ANKH: variants seen among roughly 807,000 people sequenced by gnomAD.
ANKH encodes ANKH inorganic pyrophosphate transport regulator, also known as mineralization regulator ANKH.
In ANKH, 15 loss-of-function variants were observed where a neutral mutation model predicts 49.0. That is an observed-to-expected ratio of 0.31 (90% confidence interval 0.20 to 0.47). ANKH has a LOEUF of 0.47. ANKH is among the 20% of genes least tolerant of loss of function. The pLI is 1.00. For missense variants in ANKH, 429 were observed against 652.0 expected, an observed-to-expected ratio of 0.66 and a Z score of 3.72; for synonymous variants, 273 against 260.0, an observed-to-expected ratio of 1.05 and a Z score of -0.48.
At chr5:14,716,871 A>G (rs1737483897) in intron 8 of ANKH, 36 bp from the exon 9 acceptor site, 1 of 1,611,732 alleles carries the variant, frequency 6.2e-7, no homozygotes, top group Non-Finnish European at 8.5e-7. Context: ...TTGTGAGGAA[A>G]AAGTGTAAGC....
At chr5:14,815,642 G>A (rs1325019510) in intron 1 of ANKH, among the ~76,000 whole-genome samples, 1 of 152,044 alleles carries the variant, frequency 6.6e-6, no homozygotes, top group Non-Finnish European at 1.5e-5. Flanking sequence ...GTACTCGTTC[G>A]CCCCTACTAA....
At chr5:14,866,823 A>G (rs980533164) in intron 1 of ANKH, among the ~76,000 whole-genome samples, 9 of 152,180 alleles carry the variant, frequency 5.9e-5, no homozygotes, top group Non-Finnish European at 1.2e-4. Context: ...TGGTCATAAT[A>G]TCCCTTTCCT....
chr5:14,760,776 T>A (rs1371517654), intron 2 of ANKH, among the ~76,000 whole-genome samples: 1 of 152,198 alleles, frequency 6.6e-6, no homozygotes, highest in African/African-American at 2.4e-5. Flanking sequence ...TGGTGAAGGT[T>A]ACGGTCACTA....
intron 1 of ANKH, among the ~76,000 whole-genome samples, chr5:14,799,631 G>T (rs896513371): frequency 6.6e-6 from 1 of 152,134 alleles, no homozygotes; most frequent in African/African-American, 2.4e-5. Context: ...AGCAAAGCCC[G>T]GATGACAGCA....
chr5:14,818,662 A>G (rs1741112817), intron 1 of ANKH, among the ~76,000 whole-genome samples: 1 of 151,002 alleles, frequency 6.6e-6, no homozygotes, highest in South Asian at 2.1e-4. Flanking sequence ...AAAAAAAAAA[A>G]AAAAAAAGAG....
chr5:14,822,053 C>T lies in ANKH; in HGVS notation c.96+49299G>A, dbSNP rs571611009. On this transcript the variant is annotated intron_variant, in intron 1 of 11. Transcript: ENST00000284268. ...AAAGGAACAGACATTTCACATGATCCCTTTCTTTCTCCTATCTGAAGCTGC... is the reference window on the plus strand; with the variant it reads ...AAAGGAACAGACATTTCACATGATCTCTTTCTTTCTCCTATCTGAAGCTGC... 3.3e-5 allele frequency among the ~76,000 whole-genome samples: 5 copies of T among 152,272 alleles called. No homozygotes were observed. In the South Asian group the frequency reaches 8.3e-4, roughly 25 times the overall value.
At chr5:14,847,488 A>C (rs1223759472) in intron 1 of ANKH, among the ~76,000 whole-genome samples, 2 of 152,204 alleles carry the variant, frequency 1.3e-5, no homozygotes, top group Non-Finnish European at 2.9e-5. Flanking sequence ...CAGCAGACAA[A>C]GTGTCGCCGT....
chr5:14,842,362 G>A (rs2126610717), intron 1 of ANKH, among the ~76,000 whole-genome samples: 1 of 152,294 alleles, frequency 6.6e-6, no homozygotes, highest in Middle Eastern at 3.4e-3. Flanking sequence ...TGACGGTCAA[G>A]GACAGAGACC....
intron 1 of ANKH, among the ~76,000 whole-genome samples, chr5:14,791,145 G>A (rs192163794): frequency 2.0e-5 from 3 of 152,284 alleles, no homozygotes; most frequent in Non-Finnish European, 2.9e-5. Flanking sequence ...CACGTAAGCT[G>A]GAAATCACGT....
chr5:14,727,640 C>T (rs1404801848), intron 8 of ANKH, among the ~76,000 whole-genome samples: 1 of 151,968 alleles, frequency 6.6e-6, no homozygotes, highest in African/African-American at 2.4e-5. Flanking sequence ...TGATAAAGTT[C>T]CACACTCCAG....
chr5:14,731,872 C>G (rs1370307825), intron 8 of ANKH, among the ~76,000 whole-genome samples: 1 of 152,228 alleles, frequency 6.6e-6, no homozygotes, highest in Admixed American at 6.5e-5. Context: ...GCAATGCATA[C>G]GGCCACAGCT....
chr5:14,842,173 G>A (rs1741833074), intron 1 of ANKH, among the ~76,000 whole-genome samples: 2 of 152,200 alleles, frequency 1.3e-5, no homozygotes, highest in South Asian at 2.1e-4. Context: ...CTGCTGTAAG[G>A]TGGAGATGGT....
At chr5:14,830,925 C>G (rs1369540757) in intron 1 of ANKH, among the ~76,000 whole-genome samples, 1 of 152,210 alleles carries the variant, frequency 6.6e-6, no homozygotes, top group Non-Finnish European at 1.5e-5. Flanking sequence ...TGGTCCCGGA[C>G]AAACTGGGTC....
chr5:14,736,006 CTTTTT>C (rs540010631), intron 8 of ANKH, among the ~76,000 whole-genome samples: 4 of 83,660 alleles, frequency 4.8e-5, no homozygotes, highest in African/African-American at 1.7e-4. Context: ...AAAAACCTAA[CTTTTT>C]TTTTTTTTTT....
chr5:14,844,426 A>G (rs1741899530), intron 1 of ANKH, among the ~76,000 whole-genome samples: 1 of 152,254 alleles, frequency 6.6e-6, no homozygotes, highest in South Asian at 2.1e-4. Context: ...ACTGTCACTT[A>G]GAAGAGGTCC....
chr5:14,780,491 T>C (rs30615), intron 1 of ANKH, among the ~76,000 whole-genome samples: 117,173 of 152,056 alleles, frequency 0.77, 45,228 homozygotes, highest in South Asian at 0.86. Flanking sequence ...TGCAGTGAGC[T>C]GAGATTGTGC....
At chr5:14,821,189 T>G (rs2126586625) in intron 1 of ANKH, among the ~76,000 whole-genome samples, 1 of 152,342 alleles carries the variant, frequency 6.6e-6, no homozygotes, top group South Asian at 2.1e-4. Flanking sequence ...TGTGTGAGTT[T>G]GTAGATACAT....
At chr5:14,738,761 C>T (rs1036239777) in intron 8 of ANKH, among the ~76,000 whole-genome samples, 3 of 150,882 alleles carry the variant, frequency 2.0e-5, no homozygotes, top group African/African-American at 7.3e-5. Flanking sequence ...AAAAAAAAAA[C>T]CCAAAACCAA....
Position 14,871,501 on chromosome 5 carries a change from C to A in ANKH, c.-54G>T, listed in dbSNP as rs1251063638. 1 of 1,478,288 alleles carries A rather than the reference C, an allele frequency of 6.8e-7. No individual in the cohort carries two copies. Among genetic ancestry groups the A allele is most frequent in the Non-Finnish European group, 9.3e-7 (1 of 1,079,776 alleles). 91.6% of individuals were successfully genotyped at this position (1,478,288 alleles called of 1,614,324 possible). On this transcript the variant is annotated 5_prime_UTR_variant, in exon 1 of 12. Coordinates refer to ENST00000284268, the MANE Select transcript of ANKH (RefSeq NM_054027.6). ...CATCTGCTGCCGCGAGGGGACTCTGCGGGGAGGCGAGGGGCGACGGGGCGA... is the reference window on the plus strand; with the variant it reads ...CATCTGCTGCCGCGAGGGGACTCTGAGGGGAGGCGAGGGGCGACGGGGCGA...
Sources: gnomAD v4.1 joint callset for allele counts (sites outside exome capture counted in the v4.1 genomes callset) on GRCh38, gnomAD v4.1.1 for gene constraint, MANE v1.5 for transcripts, NCBI Gene and HGNC (gene_info 2026-07-23, HGNC 2026-07-21) for gene names.